UBR4: variants seen among roughly 807,000 people sequenced by gnomAD.
UBR4 encodes E3 ubiquitin-protein ligase UBR4.
Under a neutral mutation model 575.6 loss-of-function variants are expected in UBR4, and 124 were observed. The ratio of observed to expected loss-of-function variants is 0.22; its 90% CI spans 0.19 to 0.25. The LOEUF is 0.25. Ranked by LOEUF, UBR4 falls within the 10% of genes least tolerant of loss-of-function variation. The pLI, the probability that UBR4 is intolerant of heterozygous loss-of-function variation, is 1.00. For missense variants in UBR4, 4,818 were observed against 6,478.8 expected, an observed-to-expected ratio of 0.74 and a Z score of 8.80; for synonymous variants, 2,455 against 2,473.7, an observed-to-expected ratio of 0.99 and a Z score of 0.22.
At chr1:19,135,981 T>C (rs1251990453) in intron 60 of UBR4, among the ~76,000 whole-genome samples, 1 of 152,054 alleles carries the variant, frequency 6.6e-6, no homozygotes, top group Non-Finnish European at 1.5e-5. Context: ...GAAGCAACAG[T>C]TAAAATAGGA....
chr1:19,169,260 T>C (rs1049195908), intron 27 of UBR4, among the ~76,000 whole-genome samples, 175 bp downstream of exon 27: 1 of 152,210 alleles, frequency 6.6e-6, no homozygotes, highest in African/African-American at 2.4e-5. Flanking sequence ...AAAAGCCATA[T>C]GAGAACCAAC....
chr1:19,172,525 A>T (rs988935923), intron 25 of UBR4, among the ~76,000 whole-genome samples: 7 of 152,262 alleles, frequency 4.6e-5, no homozygotes, highest in Admixed American at 2.6e-4. Context: ...TCAGAAAAAA[A>T]TTTTTTTAAT....
Position 19,201,948 on chromosome 1 carries a change from C to T in UBR4, c.177-133G>A. 3 of 745,950 alleles carry T rather than the reference C, an allele frequency of 4.0e-6. No homozygotes were observed. In the East Asian group the frequency reaches 9.4e-5, roughly 23 times the overall value. The allele number at this position is 745,950 out of a possible 1,614,324, so 46.2% of individuals were successfully genotyped here. On this transcript the variant is annotated intron_variant, in intron 1 of 105. Coordinates refer to ENST00000375254, the MANE Select transcript of UBR4 (RefSeq NM_020765.3). ...ATCATCAACCTATTCCCCTTCAAGA[C>T]TGGGAAAGATGAGACAGGTGGATCA...
At chr1:19,194,381 A>G (rs2092318879) in intron 8 of UBR4, among the ~76,000 whole-genome samples, 1 of 152,202 alleles carries the variant, frequency 6.6e-6, no homozygotes. Context: ...CCAGTTACTC[A>G]GGAGGTTGAT....
intron 25 of UBR4, among the ~76,000 whole-genome samples, chr1:19,172,481 C>G (rs190762200): frequency 9.9e-5 from 15 of 152,278 alleles, no homozygotes; most frequent in Admixed American, 8.5e-4. Flanking sequence ...CGCACCATTG[C>G]ACTCCAGCCT....
intron 69 of UBR4, 107 bp downstream of exon 69, chr1:19,120,073 G>T: frequency 7.5e-7 from 1 of 1,332,448 alleles, no homozygotes; most frequent in Non-Finnish European, 1.0e-6. Flanking sequence ...TCAGGCTGGC[G>T]TAACTACTGA....
At chr1:19,146,717 T>C (rs1283783298) in intron 52 of UBR4, 109 bp downstream of exon 52, 3 of 1,434,734 alleles carry the variant, frequency 2.1e-6, no homozygotes, top group Admixed American at 2.3e-5. Context: ...GCAAAATCCC[T>C]GTCTCTGAGC....
At position 19,119,604 on chromosome 1, in the gene UBR4, C is replaced by T; in HGVS notation, c.10408G>A (p.Asp3470Asn). The T allele has an allele frequency of 6.2e-7, 1 of 1,614,070 alleles. No individual in the cohort carries two copies. The highest frequency in any genetic ancestry group is 8.5e-7 in the Non-Finnish European group (1 of 1,179,926). Residue 3470 changes from aspartate (D) to asparagine (N), a missense_variant, in exon 70 of 106, where the codon GAC becomes AAC. Transcript: ENST00000375254. ...TTCAGGGAGAAATATCCTAGTAGGT[C>T]CACAAACTGGGCAGCCTTACGACCA... ...AYGRKAAQFV[D>N]LLGYFSLKTP...
intron 17 of UBR4, among the ~76,000 whole-genome samples, chr1:19,179,988 G>A (rs958390839): frequency 6.6e-6 from 1 of 152,094 alleles, no homozygotes; most frequent in Non-Finnish European, 1.5e-5. Context: ...TGAATGTTTC[G>A]CAAAATGTCG....
intron 30 of UBR4, 56 bp downstream of exon 30, chr1:19,165,600 T>C: frequency 6.4e-7 from 1 of 1,553,396 alleles, no homozygotes. Context: ...ATATAGCTCC[T>C]TGCTTTCAAG....
chr1:19,139,273 CAAACAAA>C lies in UBR4; in HGVS notation c.8594-60_8594-54del. The C allele has an allele frequency of 6.5e-7, 1 of 1,528,256 alleles. No homozygotes were observed. Among genetic ancestry groups the C allele is most frequent in the Non-Finnish European group, 8.8e-7 (1 of 1,133,570 alleles). The allele number at this position is 1,528,256 out of a possible 1,614,324, so 94.7% of individuals were successfully genotyped here. On this transcript the variant is annotated intron_variant, in intron 58 of 105. Coordinates refer to ENST00000375254, the MANE Select transcript of UBR4 (RefSeq NM_020765.3). This position sits in a 1 kb window ranked among gnomAD's most constrained non-coding sequence, Gnocchi z 4.2. ...GTTAAAAAACAAACAAACAAACAAA[CAAACAAA>C]AAACAAAAAAAACCCCTCCTTGGGA...
chr1:19,181,983 G>A (rs1005531127), intron 17 of UBR4, among the ~76,000 whole-genome samples: 1 of 151,974 alleles, frequency 6.6e-6, no homozygotes, highest in East Asian at 1.9e-4. Flanking sequence ...CCTGCCCCAC[G>A]CGACCACCAT....
rs2088238976 is a variant in UBR4 at position 19,165,743 on chromosome 1, G to T, written c.4124C>A (p.Ser1375Tyr). 6.2e-7 allele frequency: 1 copy of T among 1,613,918 alleles called. No homozygotes were observed. The change falls in exon 30 of 106, where the codon TCC becomes TAC. Residue 1375 changes from serine to tyrosine, a missense_variant. Physicochemically the swap from Ser to Tyr is moderately radical, Grantham distance 144 (BLOSUM62 -2). Around this residue, in one of 29 missense-constraint regions of UBR4, gnomAD observed 1,172 missense variants for 1,259.7 expected, o/e 0.93. Coordinates refer to ENST00000375254, the MANE Select transcript of UBR4 (RefSeq NM_020765.3). Reference sequence around the variant, plus strand: ...GTACTGGAGACATTCCTCCAGGATGGATTCATCCAGTCCACTGAGGATCAA... The same window carrying T: ...GTACTGGAGACATTCCTCCAGGATGTATTCATCCAGTCCACTGAGGATCAA... ...HADPNSGLDE[S>Y]ILEECLQYLE...
Position 19,155,615 on chromosome 1 carries a change from T to C in UBR4, c.6126A>G (p.Pro2042=), listed in dbSNP as rs761605852. Residue 2042 remains proline (P), a synonymous_variant, in exon 43 of 106, where the codon CCA becomes CCG. Transcript: ENST00000375254. ...AGGTAACATCTCTTATCTTTGAGCTTGGCAGGAGAAAATAGAAGGTTGGAC... is the reference window on the plus strand; with the variant it reads ...AGGTAACATCTCTTATCTTTGAGCTCGGCAGGAGAAAATAGAAGGTTGGAC... ...ALSPTFYFLL[P]SSKIRDVTFL... is the part of the protein sequence containing the mutation. 8.1e-6 allele frequency: 13 copies of C among 1,614,180 alleles called. No homozygotes were observed. The highest frequency in any genetic ancestry group is 1.0e-5 in the Non-Finnish European group (12 of 1,180,020).
Position 19,122,949 on chromosome 1 carries a change from C to T in UBR4, c.9700G>A (p.Asp3234Asn). ...YRQLRDLHTL[D>N]SHVRGIKKLL... The stretch of plus-strand genomic sequence containing the variant: ...TTCTTGATCCCACGCACGTGAGAGT[C>T]CAGGGTGTGCAAATCCCGGAGCTGG... Residue 3234 changes from aspartate (D) to asparagine (N), a missense_variant, in exon 66 of 106, where the codon GAC becomes AAC. Coordinates refer to ENST00000375254, the MANE Select transcript of UBR4 (RefSeq NM_020765.3). 6.2e-7 allele frequency: 1 copy of T among 1,614,198 alleles called. No homozygotes were observed. The highest frequency in any genetic ancestry group is 1.7e-5 in the Admixed American group (1 of 60,020).
chr1:19,198,510 GAGA>G (rs1430742240), intron 5 of UBR4, 28 bp downstream of exon 5: 11 of 1,599,766 alleles, frequency 6.9e-6, no homozygotes, highest in African/African-American at 1.3e-5. Context: ...AAAACCCACA[GAGA>G]AGAAGACATT....
In UBR4 at chr1:19,161,406, T is replaced by C. The variant is rs539723248; in HGVS notation, c.5175+183A>G. On this transcript the variant is annotated intron_variant, in intron 37 of 105. Transcript: ENST00000375254. ...AACGAACTACAAGATCTCTAAGGAA[T>C]CTGCTGGTTCTGATATTCTAAATGA... 5.3e-4 allele frequency among the ~76,000 whole-genome samples: 80 copies of C among 152,318 alleles called. 1 individual carries two copies. In the South Asian group the frequency reaches 7.5e-3, roughly 14 times the overall value.
Position 19,160,015 on chromosome 1 carries a change from C to G in UBR4, c.5577+96G>C, listed in dbSNP as rs1486716484. On this transcript the variant is annotated intron_variant, in intron 39 of 105. Coordinates refer to ENST00000375254, the MANE Select transcript of UBR4 (RefSeq NM_020765.3). ...TTTGGATGGCCAAGCATCAACTGCT[C>G]TAAGTATACTCCTCAGAGCATCTAG... 4.5e-5 allele frequency: 68 copies of G among 1,495,418 alleles called. 1 individual carries two copies. The highest frequency in any genetic ancestry group is 6.1e-5 in the Non-Finnish European group (68 of 1,113,294). 92.6% of individuals were successfully genotyped at this position (1,495,418 alleles called of 1,614,324 possible).
intron 71 of UBR4, chr1:19,118,569 C>T (rs768942643): frequency 2.4e-5 from 7 of 293,264 alleles, no homozygotes; most frequent in East Asian, 6.9e-5. Flanking sequence ...CACAGGTACA[C>T]GCCACCACGC....
Sources: gnomAD v4.1 joint callset for allele counts (sites outside exome capture counted in the v4.1 genomes callset) on GRCh38, gnomAD v4.1.1 for gene constraint, gnomAD v4.1.1 regional missense constraint, Gnocchi (gnomAD v3.1) non-coding constraint, MANE v1.5 for transcripts, NCBI Gene and HGNC (gene_info 2026-07-23, HGNC 2026-07-21) for gene names.